Variants in RFFL observed in about 807,000 individuals in gnomAD.
RFFL encodes the protein ring finger and FYVE like domain containing E3 ubiquitin protein ligase.
In RFFL, 16 loss-of-function variants were observed where a neutral mutation model predicts 40.4. The observed-to-expected ratio is 0.40, with a 90% CI of 0.27 to 0.60. The LOEUF (loss-of-function observed/expected upper bound fraction) is 0.60. Ranked by LOEUF, RFFL falls within the 20% of genes least tolerant of loss-of-function variation. The pLI is 0.47. For missense variants in RFFL, 367 were observed against 451.7 expected (o/e 0.81, Z 1.70); for synonymous variants, 154 against 167.9 (o/e 0.92, Z 0.64).
chr17:35,043,615 T>C (rs2091179963), intron 1 of RFFL, among the ~76,000 whole-genome samples: 1 of 152,206 alleles, frequency 6.6e-6, no homozygotes, highest in Non-Finnish European at 1.5e-5. Context: ...CATAATCTTC[T>C]GTGCTATTAT....
intron 1 of RFFL, among the ~76,000 whole-genome samples, chr17:35,053,780 C>T (rs1460379940): frequency 6.6e-6 from 1 of 152,204 alleles, no homozygotes; most frequent in Non-Finnish European, 1.5e-5. Flanking sequence ...AATCCATGCT[C>T]ACCAAGCAAG....
At chr17:35,075,657 C>T (rs2091371963) in intron 1 of RFFL, among the ~76,000 whole-genome samples, 1 of 152,162 alleles carries the variant, frequency 6.6e-6, no homozygotes, top group Non-Finnish European at 1.5e-5. Context: ...ACATTTCATC[C>T]AACTAAGCAA....
intron 1 of RFFL, chr17:35,069,793 CAAGG>C (rs1448981981): frequency 1.3e-5 from 2 of 152,440 alleles, no homozygotes; most frequent in Non-Finnish European, 2.9e-5. Context: ...ACCCATGTAA[CAAGG>C]AAGAAAACGT....
At chr17:35,083,618 A>C (rs2091413592) in intron 1 of RFFL, among the ~76,000 whole-genome samples, 1 of 151,694 alleles carries the variant, frequency 6.6e-6, no homozygotes, top group South Asian at 2.1e-4. Flanking sequence ...CCATCCCTAC[A>C]AAAAATACAA....
chr17:35,044,041 C>T (rs1033214537), intron 1 of RFFL, among the ~76,000 whole-genome samples: 8 of 152,164 alleles, frequency 5.3e-5, no homozygotes, highest in Admixed American at 1.3e-4. Flanking sequence ...CTTACTTTTG[C>T]TCCAGTTGAG....
intron 4 of RFFL, 130 bp downstream of exon 4, chr17:35,017,393 C>G: frequency 1.5e-6 from 1 of 667,614 alleles, no homozygotes; most frequent in East Asian, 2.8e-5. Context: ...TAAACCCTAC[C>G]CCAAAAATAT....
chr17:35,021,033 A>C (rs1474676410), intron 3 of RFFL, among the ~76,000 whole-genome samples: 2 of 152,246 alleles, frequency 1.3e-5, no homozygotes, highest in Non-Finnish European at 2.9e-5. Flanking sequence ...AGTTAAGTTG[A>C]AAGACAAATT....
intron 1 of RFFL, chr17:35,076,830 T>C: frequency 4.3e-6 from 1 of 233,242 alleles, no homozygotes; most frequent in Non-Finnish European, 8.7e-6. Flanking sequence ...AATGTGGCTA[T>C]GCTGCCAAGC....
rs2091041176 is a variant in RFFL at position 35,026,421 on chromosome 17, G to T, written c.133C>A (p.Pro45Thr). The T allele has an allele frequency of 5.6e-6, 9 of 1,614,024 alleles. No homozygotes were observed. The highest frequency in any genetic ancestry group is 7.6e-6 in the Non-Finnish European group (9 of 1,179,948). ...TGAGCCCCACAGGACTTGCAGCTTG[G>T]TTCCAAGCCTGTTGGGGAAGGGAAG... is the stretch of plus-strand genomic sequence containing the variant. ...SSFPSPTGLEPSCKSCGAHFA... is the reference protein window; with the variant it reads ...SSFPSPTGLETSCKSCGAHFA... Residue 45 changes from proline (P) to threonine (T), a missense_variant, in exon 2 of 7, where the codon CCA becomes ACA. Transcript: ENST00000394597.
chr17:35,015,885 T>TA (rs1266121608), intron 5 of RFFL, among the ~76,000 whole-genome samples: 4 of 152,232 alleles, frequency 2.6e-5, no homozygotes, highest in Admixed American at 2.6e-4. Flanking sequence ...TCCTGAATGA[T>TA]ACAGTGTAAA....
chr17:35,020,227 C>T (rs1210651115), intron 3 of RFFL, among the ~76,000 whole-genome samples: 3 of 152,042 alleles, frequency 2.0e-5, no homozygotes, highest in Non-Finnish European at 2.9e-5. Context: ...GTTCCTAATT[C>T]CCCCATATTG....
At chr17:35,083,690 A>T (rs2091414245) in intron 1 of RFFL, among the ~76,000 whole-genome samples, 1 of 151,788 alleles carries the variant, frequency 6.6e-6, no homozygotes, top group Non-Finnish European at 1.5e-5. Flanking sequence ...CTGAGGCAGG[A>T]GAACTGCTTG....
intron 1 of RFFL, among the ~76,000 whole-genome samples, chr17:35,042,668 A>G (rs1312466280): frequency 6.6e-6 from 1 of 151,908 alleles, no homozygotes; most frequent in South Asian, 2.1e-4. Flanking sequence ...TGCTAAAAAT[A>G]CAAAAAATTA....
In RFFL at chr17:35,069,591, C is replaced by T. The variant is rs867706045; in HGVS notation, c.-9+19514G>A. 1.8e-5 allele frequency: 5 copies of T among 282,488 alleles called. 1 individual carries two copies. The Middle Eastern group carries it at 3.7e-3, about 210-fold the overall frequency. 17.5% of individuals were successfully genotyped at this position (282,488 alleles called of 1,614,324 possible). ...TCTGACTAAGCAGCTGATGAGTAGACAAATACCCAAAGGACTGTGCATTCT... is the reference window on the plus strand; with the variant it reads ...TCTGACTAAGCAGCTGATGAGTAGATAAATACCCAAAGGACTGTGCATTCT... On this transcript the variant is annotated intron_variant, in intron 1 of 6. Transcript: ENST00000315249.
chr17:35,067,353 G>T (rs1390837861), upstream of RFFL, among the ~76,000 whole-genome samples: 4 of 148,914 alleles, frequency 2.7e-5, no homozygotes, highest in Non-Finnish European at 4.5e-5. Context: ...CCTGACCTCA[G>T]GTGATCCACC....
chr17:35,033,095 G>A (rs752438758), intron 1 of RFFL, among the ~76,000 whole-genome samples: 2 of 152,068 alleles, frequency 1.3e-5, no homozygotes, highest in Admixed American at 6.5e-5. Flanking sequence ...GGAGGCAGTT[G>A]CTAAAGAAGA....
intron 1 of RFFL, among the ~76,000 whole-genome samples, chr17:35,033,426 G>A (rs978138140): frequency 2.6e-5 from 4 of 151,924 alleles, no homozygotes; most frequent in Non-Finnish European, 5.9e-5. Flanking sequence ...TACTGGGGAA[G>A]CTGAGACAAG....
At chr17:35,027,220 C>T (rs2091047524) in intron 1 of RFFL, among the ~76,000 whole-genome samples, 1 of 152,190 alleles carries the variant, frequency 6.6e-6, no homozygotes, top group Non-Finnish European at 1.5e-5. Flanking sequence ...TTTGTACCCC[C>T]AATCCTAGAT....
chr17:35,015,499 A>G lies in RFFL; in HGVS notation c.887-736T>C, dbSNP rs577812513. On this transcript the variant is annotated intron_variant, in intron 5 of 6. Transcript: ENST00000394597. ...GAGAGAAGACTCTTGAAACAATCCC[A>G]AAGGGAAAACAGACTCCATGTCAGT... is the stretch of plus-strand genomic sequence containing the variant. Among the ~76,000 whole-genome samples the G allele has an allele frequency of 3.3e-5, 5 of 152,332 alleles. No homozygotes were observed. In the South Asian group the frequency reaches 1.0e-3, roughly 32 times the overall value.
Sources: allele counts gnomAD v4.1 joint callset (sites outside exome capture counted in the v4.1 genomes callset), GRCh38; gene constraint gnomAD v4.1.1; transcripts MANE v1.5; gene names NCBI Gene and HGNC (gene_info 2026-07-23, HGNC 2026-07-21).